CPSF2: variants seen among roughly 807,000 people sequenced by gnomAD.
The protein encoded by CPSF2 is cleavage and polyadenylation specificity factor subunit 2.
In CPSF2, 51 loss-of-function variants were observed where a neutral mutation model predicts 84.2. That is an observed-to-expected ratio of 0.61 (90% CI 0.48 to 0.77). CPSF2 has a LOEUF of 0.77. CPSF2 is among the 30% of genes least tolerant of loss of function. The probability of loss-of-function intolerance (pLI) is 0.00; values close to 1 mark genes in which losing one functional copy is unlikely to be tolerated. For missense variants in CPSF2, 641 were observed against 929.4 expected (o/e 0.69, Z 4.03); for synonymous variants, 286 against 311.9 (o/e 0.92, Z 0.87).
chr14:92,152,193 C>T (rs2141475792), intron 9 of CPSF2, among the ~76,000 whole-genome samples: 1 of 151,932 alleles, frequency 6.6e-6, no homozygotes. Context: ...GCAATGGTGC[C>T]ATCTCGGCTC....
At chr14:92,144,369 G>A (rs1326991987) in intron 9 of CPSF2, among the ~76,000 whole-genome samples, 1 of 152,094 alleles carries the variant, frequency 6.6e-6, no homozygotes, top group African/African-American at 2.4e-5. Context: ...TGTGGTCATT[G>A]CCTGTAACCT....
At position 92,165,592 on chromosome 14, in the gene CPSF2, A is replaced by T. The variant is rs1217047584; in HGVS notation, c.*3848A>T. On this transcript the variant is annotated 3_prime_UTR_variant, in exon 16 of 16. Coordinates refer to ENST00000298875, the MANE Select transcript of CPSF2 (RefSeq NM_017437.3). The stretch of plus-strand genomic sequence containing the variant: ...ATATTTTGGAGTAATATCTGTTCAT[A>T]TCCTTTGTCCATTTTCAATTTGTTT... 1.3e-5 allele frequency: 2 copies of T among 151,926 alleles called. No homozygotes were observed. Among genetic ancestry groups the T allele is most frequent in the Non-Finnish European group, 2.9e-5 (2 of 68,008 alleles). The allele number at this position is 151,926 out of a possible 1,614,324, so 9.4% of individuals were successfully genotyped here.
In CPSF2 at chr14:92,159,072, G is replaced by C; in HGVS notation, c.1911G>C (p.Met637Ile). The C allele has an allele frequency of 6.2e-7, 1 of 1,614,038 alleles. No homozygotes were observed. The highest frequency in any genetic ancestry group is 1.1e-5 in the South Asian group (1 of 91,072). ...ELAWIDGVLD[M>I]RVSKVDTGVI... is the part of the protein sequence containing the mutation. ...CTTGGATAGATGGTGTCTTAGATAT[G>C]AGAGTTTCCAAAGTGGACACAGGGG... is the stretch of plus-strand genomic sequence containing the variant. Residue 637 changes from methionine to isoleucine, a missense_variant, in exon 14 of 16, where the codon ATG (methionine) becomes ATC (isoleucine). By Grantham distance (10) the Met-to-Ile change is conservative (BLOSUM62 1). This residue lies in a region of CPSF2 where 430 missense variants were observed against 553.6 expected (regional missense o/e 0.78). Coordinates refer to ENST00000298875, the MANE Select transcript of CPSF2 (RefSeq NM_017437.3).
At chr14:92,136,883 T>C (rs543899626) in intron 6 of CPSF2, among the ~76,000 whole-genome samples, 77 of 152,196 alleles carry the variant, frequency 5.1e-4, no homozygotes, top group African/African-American at 1.8e-3. Context: ...TAGAACTAAA[T>C]AGAAATGAAG....
rs2069453259 is a variant in CPSF2 at position 92,166,825 on chromosome 14, T to C, written c.*5081T>C. On this transcript the variant is annotated 3_prime_UTR_variant, in exon 16 of 16. Coordinates refer to ENST00000298875, the MANE Select transcript of CPSF2 (RefSeq NM_017437.3). Reference sequence around the variant, plus strand: ...TATGGGTTTGTTCCTGGACTTGAAATTATGTTTCATTGATCTATATATCTA... The same window carrying C: ...TATGGGTTTGTTCCTGGACTTGAAACTATGTTTCATTGATCTATATATCTA... The C allele has an allele frequency of 6.6e-6, 1 of 152,106 alleles. No homozygotes were observed. The highest frequency in any genetic ancestry group is 2.4e-5 in the African/African-American group (1 of 41,420). The allele number at this position is 152,106 out of a possible 1,614,324, so 9.4% of individuals were successfully genotyped here.
intron 1 of CPSF2, among the ~76,000 whole-genome samples, chr14:92,125,158 G>T (rs937757077): frequency 7.9e-5 from 12 of 152,128 alleles, no homozygotes; most frequent in African/African-American, 2.2e-4. Flanking sequence ...TTGGATGAAG[G>T]GAGGAAATAC....
In CPSF2 at chr14:92,162,024, G is replaced by C. The variant is rs1045944477; in HGVS notation, c.*280G>C. ...TTTACAGACTCCTTGTTCTCTAGAA[G>C]GGCTTTTTACTTGAATAAAACAATG... On this transcript the variant is annotated 3_prime_UTR_variant, in exon 16 of 16. Coordinates refer to ENST00000298875, the MANE Select transcript of CPSF2 (RefSeq NM_017437.3). The C allele has an allele frequency of 9.0e-6, 2 of 222,746 alleles. No individual in the cohort carries two copies. Among genetic ancestry groups the C allele is most frequent in the African/African-American group, 4.5e-5 (2 of 43,984 alleles). 13.8% of individuals were successfully genotyped at this position (222,746 alleles called of 1,614,324 possible). A position where few individuals can be genotyped will look rare whatever the true frequency, so the allele number is the denominator to read the frequency against.
At chr14:92,135,692 T>A (rs2068989593) in intron 6 of CPSF2, among the ~76,000 whole-genome samples, 196 bp downstream of exon 6, 1 of 152,216 alleles carries the variant, frequency 6.6e-6, no homozygotes, top group Admixed American at 6.5e-5. Flanking sequence ...TAAGAGATTT[T>A]AAAAATTTAT....
chr14:92,130,261 C>G (rs920276289), intron 2 of CPSF2, among the ~76,000 whole-genome samples: 4 of 149,702 alleles, frequency 2.7e-5, no homozygotes, highest in African/African-American at 9.9e-5. Context: ...TATATGTACT[C>G]TTGTTTTTTG....
chr14:92,159,629 G>A (rs1334007607), intron 14 of CPSF2, among the ~76,000 whole-genome samples: 1 of 152,158 alleles, frequency 6.6e-6, no homozygotes, highest in Non-Finnish European at 1.5e-5. Flanking sequence ...CGAGACTACA[G>A]TGAGCCACAA....
chr14:92,154,381 A>G lies in CPSF2; in HGVS notation c.1164A>G (p.Glu388=). The G allele has an allele frequency of 6.2e-7, 1 of 1,605,628 alleles. No homozygotes were observed. The highest frequency in any genetic ancestry group is 1.7e-5 in the Admixed American group (1 of 57,732). Residue 388 remains glutamate, a synonymous_variant, in exon 10 of 16, where the codon GAA becomes GAG. Transcript: ENST00000298875. The part of the protein sequence containing the change: ...EIELRKRVKL[E]GKELEEYLEK... ...AGTTGAGGAAACGTGTGAAGCTTGA[A>G]GGGAAAGAACTTGAAGAATACTTGG... is the stretch of plus-strand genomic sequence containing the variant.
At chr14:92,134,544 CAG>C (rs1327677902) in intron 5 of CPSF2, among the ~76,000 whole-genome samples, 189 bp downstream of exon 5, 6 of 152,164 alleles carry the variant, frequency 3.9e-5, no homozygotes, top group South Asian at 2.1e-4. Flanking sequence ...AAAATGCTAA[CAG>C]AATGTTAATA....
chr14:92,132,791 A>C lies in CPSF2; in HGVS notation c.150-1220A>C, dbSNP rs34392206. 8.7e-5 allele frequency among the ~76,000 whole-genome samples: 13 copies of C among 150,274 alleles called. 1 individual carries two copies. In the South Asian group the frequency reaches 2.3e-3, roughly 27 times the overall value. On this transcript the variant is annotated intron_variant, in intron 3 of 15. Coordinates refer to ENST00000298875, the MANE Select transcript of CPSF2 (RefSeq NM_017437.3). ...CCGTCTCAAAAAAAAAACAAAAAAA[A>C]CAAAAAGAGTTAAGTGAGGCTGGGT...
Position 92,134,106 on chromosome 14 carries a change from G to T in CPSF2, c.245G>T (p.Cys82Phe). ...PYAVGKLGLN[C>F]AIYATIPVYK... ...GCTGTCGGAAAGTTGGGTCTGAACT[G>T]TGCTATCTATGCAACCATTCCTGTT... The change falls in exon 4 of 16, where the codon TGT becomes TTT. Residue 82 changes from cysteine to phenylalanine, a missense_variant. Physicochemically the swap from Cys to Phe is radical, Grantham distance 205. Around this residue, in one of 2 missense-constraint regions of CPSF2, gnomAD observed 211 missense variants for 375.7 expected, o/e 0.56. Coordinates refer to ENST00000298875, the MANE Select transcript of CPSF2 (RefSeq NM_017437.3). 6.2e-7 allele frequency: 1 copy of T among 1,614,166 alleles called. No homozygotes were observed. The highest frequency in any genetic ancestry group is 8.5e-7 in the Non-Finnish European group (1 of 1,180,014).
chr14:92,154,486 T>G, intron 10 of CPSF2, 28 bp downstream of exon 10: 1 of 1,436,996 alleles, frequency 7.0e-7, no homozygotes, highest in Non-Finnish European at 9.5e-7. Context: ...AGATTATAAA[T>G]TTATGGATGC....
chr14:92,138,004 C>T (rs1366127877), intron 6 of CPSF2, among the ~76,000 whole-genome samples: 2 of 152,076 alleles, frequency 1.3e-5, no homozygotes, highest in East Asian at 1.9e-4. Flanking sequence ...AGGATGTACA[C>T]CAAAATATTA....
chr14:92,143,186 G>C lies in CPSF2; in HGVS notation c.1032G>C (p.Gln344His), dbSNP rs1218747005. 3.7e-6 allele frequency: 6 copies of C among 1,613,928 alleles called. No individual in the cohort carries two copies. Among genetic ancestry groups the C allele is most frequent in the Non-Finnish European group, 5.1e-6 (6 of 1,180,018 alleles). The change falls in exon 9 of 16, where the codon CAG becomes CAC. Residue 344 changes from glutamine (Q) to histidine (H), a missense_variant. This residue lies in a region of CPSF2 where 430 missense variants were observed against 553.6 expected (regional missense o/e 0.78). Coordinates refer to ENST00000298875, the MANE Select transcript of CPSF2 (RefSeq NM_017437.3). ...ECGFSRDLFI[Q>H]WCQDPKNSII... ...GATTTTCAAGGGATCTCTTTATTCA[G>C]TGGTGTCAGGACCCTAAAAACTCAA...
intron 9 of CPSF2, among the ~76,000 whole-genome samples, chr14:92,153,798 G>A (rs910532220): frequency 2.0e-5 from 3 of 149,582 alleles, no homozygotes; most frequent in African/African-American, 7.4e-5. Context: ...TGACCTCCCA[G>A]GCTCAAGTGA....
At chr14:92,160,358 A>G (rs2069355872) in intron 14 of CPSF2, among the ~76,000 whole-genome samples, 1 of 152,254 alleles carries the variant, frequency 6.6e-6, no homozygotes, top group Non-Finnish European at 1.5e-5. Context: ...AATTTAGTCT[A>G]GCATTTACAT....
Sources: allele counts gnomAD v4.1 joint callset (sites outside exome capture counted in the v4.1 genomes callset), GRCh38; gene constraint gnomAD v4.1.1; regional missense constraint gnomAD v4.1.1; transcripts MANE v1.5; gene names NCBI Gene and HGNC (gene_info 2026-07-23, HGNC 2026-07-21).